Variants in GRM1 observed in about 807,000 individuals in gnomAD.
The protein encoded by GRM1 is metabotropic glutamate receptor 1.
In GRM1, 33 loss-of-function variants were observed where a neutral mutation model predicts 90.9. The ratio of observed to expected loss-of-function variants is 0.36; its 90% confidence interval spans 0.28 to 0.49. The LOEUF (loss-of-function observed/expected upper bound fraction) is 0.49. GRM1 is among the 20% of genes least tolerant of loss of function. GRM1 has a pLI of 0.99. For missense variants in GRM1, 1,190 were observed against 1,534.3 expected (o/e 0.78, Z 3.75); for synonymous variants, 700 against 613.2 (o/e 1.14, Z -2.09).
At chr6:146,307,228 A>G (rs1377323743) in intron 3 of GRM1, among the ~76,000 whole-genome samples, 2 of 152,222 alleles carry the variant, frequency 1.3e-5, no homozygotes, top group Admixed American at 1.3e-4. Flanking sequence ...CTTGAATCTC[A>G]AAGCTGTGTT....
intron 1 of GRM1, among the ~76,000 whole-genome samples, chr6:146,079,659 G>A (rs1190110853): frequency 6.6e-6 from 1 of 152,174 alleles, no homozygotes; most frequent in African/African-American, 2.4e-5. Flanking sequence ...GGCATGGAGA[G>A]CAAGTACTCC....
chr6:146,084,688 TGGC>T (rs898629986), intron 1 of GRM1, among the ~76,000 whole-genome samples: 7 of 152,210 alleles, frequency 4.6e-5, no homozygotes, highest in African/African-American at 1.7e-4. Context: ...AAGTGCCATA[TGGC>T]ACTGGGAAGA....
intron 1 of GRM1, among the ~76,000 whole-genome samples, chr6:146,103,790 A>G (rs1321258776): frequency 6.6e-6 from 1 of 152,204 alleles, no homozygotes; most frequent in Non-Finnish European, 1.5e-5. Context: ...AGAGATGATT[A>G]AGGCAAGATT....
At chr6:146,255,291 A>G (rs1300221397) in intron 2 of GRM1, among the ~76,000 whole-genome samples, 1 of 152,158 alleles carries the variant, frequency 6.6e-6, no homozygotes, top group Non-Finnish European at 1.5e-5. Flanking sequence ...AATTGACTCA[A>G]TTCTTTATTT....
chr6:146,223,702 T>C (rs1229626559), intron 2 of GRM1, among the ~76,000 whole-genome samples: 2 of 152,090 alleles, frequency 1.3e-5, no homozygotes, highest in Non-Finnish European at 2.9e-5. Context: ...CTCTTTAGCA[T>C]CAACGGAATA....
At chr6:146,169,584 A>C (rs1778026941) in intron 2 of GRM1, among the ~76,000 whole-genome samples, 1 of 151,946 alleles carries the variant, frequency 6.6e-6, no homozygotes, top group South Asian at 2.1e-4. Flanking sequence ...CCTTTTTGGT[A>C]CTCTGTCCCA....
chr6:146,320,521 A>C (rs1441605552), intron 3 of GRM1, among the ~76,000 whole-genome samples: 1 of 151,948 alleles, frequency 6.6e-6, no homozygotes, highest in Admixed American at 6.6e-5. Context: ...TATTGTTTGG[A>C]ATATTTTCAG....
intron 1 of GRM1, among the ~76,000 whole-genome samples, chr6:146,136,770 T>A (rs1042571909): frequency 5.9e-5 from 9 of 152,024 alleles, no homozygotes; most frequent in Non-Finnish European, 1.2e-4. Flanking sequence ...TTAGTACTAT[T>A]TATATATGCC....
At chr6:146,136,960 C>T (rs144909853) in intron 1 of GRM1, among the ~76,000 whole-genome samples, 1 of 141,332 alleles carries the variant, frequency 7.1e-6, no homozygotes, top group East Asian at 2.3e-4. Context: ...TCAAGTGATT[C>T]TCCTGCCTCA....
At chr6:146,141,279 GTTT>G (rs879736360) in intron 1 of GRM1, among the ~76,000 whole-genome samples, 1 of 141,264 alleles carries the variant, frequency 7.1e-6, no homozygotes, top group Non-Finnish European at 1.6e-5. Flanking sequence ...TCTGTTCTTA[GTTT>G]TTTTTTTTTT....
intron 2 of GRM1, among the ~76,000 whole-genome samples, chr6:146,251,239 C>G (rs1781260159): frequency 6.6e-6 from 1 of 152,188 alleles, no homozygotes; most frequent in Non-Finnish European, 1.5e-5. Context: ...AATCAGGCAT[C>G]TTAAATACTG....
intron 1 of GRM1, among the ~76,000 whole-genome samples, chr6:146,039,416 G>A (rs541689348): frequency 1.1e-4 from 16 of 152,124 alleles, no homozygotes; most frequent in African/African-American, 3.9e-4. Flanking sequence ...GGGAAAATGA[G>A]TGGGGAAGAC....
chr6:146,344,288 A>G (rs10872587), intron 3 of GRM1, among the ~76,000 whole-genome samples: 36,537 of 152,118 alleles, frequency 0.24, 5,305 homozygotes, highest in Middle Eastern at 0.33. Context: ...TTTACTATCT[A>G]TAGTGCAGTG....
At chr6:146,175,732 C>T (rs1279869368) in intron 2 of GRM1, among the ~76,000 whole-genome samples, 2 of 151,128 alleles carry the variant, frequency 1.3e-5, no homozygotes, top group Non-Finnish European at 3.0e-5. Flanking sequence ...TCTTCATGCA[C>T]AATTCATATG....
upstream of GRM1, among the ~76,000 whole-genome samples, chr6:146,028,042 C>T (rs1050461137): frequency 6.6e-6 from 1 of 152,164 alleles, no homozygotes; most frequent in African/African-American, 2.4e-5. Flanking sequence ...CCATAGCCCC[C>T]TTTTCGTCGA....
Position 146,399,643 on chromosome 6 carries a change from C to G in GRM1, c.2604C>G (p.Arg868=). The G allele has an allele frequency of 6.2e-7, 1 of 1,614,086 alleles. No individual in the cohort carries two copies. Among genetic ancestry groups the G allele is most frequent in the Non-Finnish European group, 8.5e-7 (1 of 1,179,998 alleles). ...MHVGDGKLPC[R]SNTFLNIFRR... ...TTGGCGATGGCAAGCTGCCCTGCCG[C>G]TCCAACACTTTCCTCAACATCTTCC... is the stretch of plus-strand genomic sequence containing the variant. The change falls in exon 7 of 8, where the codon CGC becomes CGG. Residue 868 remains arginine, a synonymous_variant. Coordinates refer to ENST00000282753, the MANE Select transcript of GRM1 (RefSeq NM_001278064.2). This position sits in a 1 kb window ranked among gnomAD's most constrained non-coding sequence, Gnocchi z 5.4.
intron 1 of GRM1, among the ~76,000 whole-genome samples, chr6:146,090,937 AC>A (rs1776695531): frequency 6.6e-6 from 1 of 152,088 alleles, no homozygotes; most frequent in Non-Finnish European, 1.5e-5. Flanking sequence ...GGGAAAAAAA[AC>A]CAAAAAGAGC....
At chr6:146,106,872 C>T (rs1394169692) in intron 1 of GRM1, among the ~76,000 whole-genome samples, 4 of 152,184 alleles carry the variant, frequency 2.6e-5, no homozygotes, top group African/African-American at 7.2e-5. Context: ...TTTAGCATGA[C>T]GATATGCACA....
chr6:146,119,213 T>G (rs569722473), intron 1 of GRM1, among the ~76,000 whole-genome samples: 3 of 152,332 alleles, frequency 2.0e-5, no homozygotes, highest in South Asian at 2.1e-4. Context: ...ATTTTTTCAT[T>G]TGTCTATTGG....
Sources: gnomAD v4.1 joint callset for allele counts (sites outside exome capture counted in the v4.1 genomes callset) on GRCh38, gnomAD v4.1.1 for gene constraint, Gnocchi (gnomAD v3.1) non-coding constraint, MANE v1.5 for transcripts, NCBI Gene and HGNC (gene_info 2026-07-23, HGNC 2026-07-21) for gene names.